The following LRRC9 variants were observed in gnomAD, a reference collection of about 807,000 sequenced individuals.
LRRC9 encodes leucine-rich repeat-containing protein 9.
In LRRC9, 122 loss-of-function variants were observed where a neutral mutation model predicts 63.2. That is an observed-to-expected ratio of 1.93 (90% CI 1.67 to 2.24). The LOEUF (loss-of-function observed/expected upper bound fraction) is 2.24. LRRC9 is among the 30% of genes most tolerant of loss of function. The pLI is 0.00. For missense variants in LRRC9, 1,071 were observed against 627.7 expected, an observed-to-expected ratio of 1.71 and a Z score of -7.55; for synonymous variants, 366 against 213.1, an observed-to-expected ratio of 1.72 and a Z score of -6.25.
At chr14:59,991,389 G>A (rs1255093017) in intron 17 of LRRC9, among the ~76,000 whole-genome samples, 1 of 152,190 alleles carries the variant, frequency 6.6e-6, no homozygotes, top group African/African-American at 2.4e-5. Context: ...CCCAGCATGA[G>A]CGATGCAGAA....
rs114339468 is a variant in LRRC9, at chr14:59,962,446, G to A, written c.1211+1401G>A. Among the ~76,000 whole-genome samples, 1,122 of 151,286 alleles carry A rather than the reference G, an allele frequency of 7.4e-3. 18 individuals carry two copies. The highest frequency in any genetic ancestry group is 0.027 in the African/African-American group (1,091 of 41,166). On this transcript the variant is annotated intron_variant, in intron 10 of 31. Coordinates refer to ENST00000445360, the Ensembl canonical transcript of LRRC9. The surrounding 1 kb of genome is among the most constrained non-coding windows in gnomAD (Gnocchi z 5.1). Reference sequence around the variant, plus strand: ...TGAGATAGAGTCTCGCTGTGTCCCCGAGACTGGAGTGCAGTGGCCCGATCT... The same window carrying A: ...TGAGATAGAGTCTCGCTGTGTCCCCAAGACTGGAGTGCAGTGGCCCGATCT...
In LRRC9 at chr14:59,961,044, T is replaced by C. The variant is rs750861245; in HGVS notation, c.1210T>C (p.Trp404Arg). 6.1e-6 allele frequency: 4 copies of C among 657,162 alleles called. No homozygotes were observed. The South Asian group carries it at 7.0e-5, about 11-fold the overall frequency. 40.7% of individuals were successfully genotyped at this position (657,162 alleles called of 1,614,324 possible). The change falls in exon 10 of 32, where the codon TGG (tryptophan) becomes CGG (arginine). Residue 404 changes from tryptophan to arginine, a missense_variant and splice_region_variant. Trp to Arg is a moderately radical substitution (Grantham distance 101). Transcript: ENST00000445360. ...TGAAGAAGGCACTCGATCTGATGACTGGTAAATCTGTTAGAAATTTAGTAT... is the reference window on the plus strand; with the variant it reads ...TGAAGAAGGCACTCGATCTGATGACCGGTAAATCTGTTAGAAATTTAGTAT...
In LRRC9 at chr14:59,930,983, C is replaced by T. The variant is rs1223424396; in HGVS notation, c.333C>T (p.Ser111=). 4 of 446,848 alleles carry T rather than the reference C, an allele frequency of 9.0e-6. No homozygotes were observed. Among genetic ancestry groups the T allele is most frequent in the South Asian group, 5.9e-5 (2 of 33,842 alleles). 27.7% of individuals were successfully genotyped at this position (446,848 alleles called of 1,614,324 possible). A position where few individuals can be genotyped will look rare whatever the true frequency, so the allele number is the denominator to read the frequency against. ...TATATTTATATTTTAATAAAATTTC[C>T]AAAATAGAAAATTTAGAGAAATTAA... Residue 111 remains serine (S), a synonymous_variant, in exon 4 of 32, where the codon TCC becomes TCT. Transcript: ENST00000445360. This position sits in a 1 kb window ranked among gnomAD's most constrained non-coding sequence, Gnocchi z 4.9.
chr14:60,015,027 A>C (rs1890565561), intron 23 of LRRC9, among the ~76,000 whole-genome samples: 2 of 152,010 alleles, frequency 1.3e-5, no homozygotes, highest in African/African-American at 4.8e-5. Context: ...TCTGTCTTCA[A>C]GTTCAGTTAT....
intron 12 of LRRC9, among the ~76,000 whole-genome samples, chr14:59,971,741 T>C (rs1885530139): frequency 6.6e-6 from 1 of 152,014 alleles, no homozygotes; most frequent in Non-Finnish European, 1.5e-5. Flanking sequence ...TTTTCCATTA[T>C]CCCCACATCT....
intron 28 of LRRC9, 57 bp downstream of exon 28, chr14:60,028,158 G>A (rs1891705906): frequency 2.6e-5 from 17 of 647,732 alleles, no homozygotes; most frequent in South Asian, 2.5e-4. Flanking sequence ...TCTGAGTTCT[G>A]AGCATAAAGC....
intron 17 of LRRC9, among the ~76,000 whole-genome samples, chr14:59,988,673 A>G (rs979540745): frequency 1.3e-5 from 2 of 152,132 alleles, no homozygotes; most frequent in African/African-American, 4.8e-5. Flanking sequence ...AATAATTAAA[A>G]TAATTATACT....
At chr14:59,996,413 C>A (rs1338585377) in intron 17 of LRRC9, among the ~76,000 whole-genome samples, 2 of 152,046 alleles carry the variant, frequency 1.3e-5, no homozygotes, top group Non-Finnish European at 2.9e-5. Context: ...TCTATCCCAA[C>A]AATAAGAATT....
chr14:59,994,838 A>G (rs1479289846), intron 17 of LRRC9, among the ~76,000 whole-genome samples: 1 of 151,416 alleles, frequency 6.6e-6, no homozygotes, highest in Non-Finnish European at 1.5e-5. Flanking sequence ...AGGAAGGGGA[A>G]CATCACACAC....
At chr14:59,946,389 C>A (rs1882397293) in intron 8 of LRRC9, among the ~76,000 whole-genome samples, 1 of 151,082 alleles carries the variant, frequency 6.6e-6, no homozygotes, top group Non-Finnish European at 1.5e-5. Context: ...CTGCTATTTT[C>A]ATGTGCAAAT....
chr14:59,922,292 T>G lies in LRRC9; in HGVS notation c.-34+2409T>G, dbSNP rs1888852844. ...CCGCTGTCTTTGGCCATTAGAAGGT[T>G]ATTTTTGACCTTGTAGTGGCTTGAG... On this transcript the variant is annotated intron_variant, in intron 1 of 31. Transcript: ENST00000445360. The surrounding 1 kb of genome is among the most constrained non-coding windows in gnomAD (Gnocchi z 5.3). 6.6e-6 allele frequency among the ~76,000 whole-genome samples: 1 copy of G among 152,192 alleles called. No homozygotes were observed. Among genetic ancestry groups the G allele is most frequent in the South Asian group, 2.1e-4 (1 of 4,826 alleles).
Position 60,034,015 on chromosome 14 carries a change from CTTT to C in LRRC9, c.3990+1973_3990+1975del, listed in dbSNP as rs1157239003. ...GGCCTTTTTATGTAATTTTTTCTTTCTTTTTTTTTTTTTTTTTTTTTTTGAGAC... is the reference window on the plus strand; with the variant it reads ...GGCCTTTTTATGTAATTTTTTCTTTCTTTTTTTTTTTTTTTTTTTTGAGAC... On this transcript the variant is annotated intron_variant, in intron 29 of 31. Transcript: ENST00000445360. 1.4e-3 allele frequency among the ~76,000 whole-genome samples: 160 copies of C among 115,946 alleles called. 1 individual carries two copies. The highest frequency in any genetic ancestry group is 4.2e-3 in the East Asian group (16 of 3,770). The allele number at this position is 115,946 out of a possible 152,430, so 76.1% of individuals were successfully genotyped here. A position where few individuals can be genotyped will look rare whatever the true frequency, so the allele number is the denominator to read the frequency against.
intron 7 of LRRC9, among the ~76,000 whole-genome samples, chr14:59,939,057 A>C (rs1268152042): frequency 1.4e-5 from 2 of 147,834 alleles, no homozygotes; most frequent in Non-Finnish European, 1.5e-5. Context: ...ATATACACAT[A>C]TATATACGTA....
In LRRC9 at chr14:60,053,833, A is replaced by G. The variant is rs1018986969; in HGVS notation, c.4131+628A>G. ...CCTAGTTTCTTCATGACCATCTTCT[A>G]AAGACTAAATTTAACACAGAAAATC... On this transcript the variant is annotated intron_variant, in intron 30 of 31. Coordinates refer to ENST00000445360, the Ensembl canonical transcript of LRRC9. This position sits in a 1 kb window ranked among gnomAD's most constrained non-coding sequence, Gnocchi z 4.8. 4.7e-6 allele frequency: 2 copies of G among 429,728 alleles called. No homozygotes were observed. The highest frequency in any genetic ancestry group is 9.1e-6 in the Non-Finnish European group (2 of 219,820). 26.6% of individuals were successfully genotyped at this position (429,728 alleles called of 1,614,324 possible). A position where few individuals can be genotyped will look rare whatever the true frequency, so the allele number is the denominator to read the frequency against.
intron 5 of LRRC9, 121 bp from the exon 6 acceptor site, chr14:59,931,848 T>C (rs1889728885): frequency 1.6e-6 from 1 of 614,342 alleles, no homozygotes. Context: ...GGTTACTAAT[T>C]ATACAATGGT....
At chr14:59,970,779 A>AT (rs987172781) in intron 12 of LRRC9, among the ~76,000 whole-genome samples, 164 of 150,406 alleles carry the variant, frequency 1.1e-3, no homozygotes, top group African/African-American at 3.5e-3. Flanking sequence ...TAATGGGGTG[A>AT]TTTTTTTTTG....
Position 60,027,771 on chromosome 14 carries a change from C to G in LRRC9, c.3704-113C>G. On this transcript the variant is annotated intron_variant, in intron 27 of 31. Coordinates refer to ENST00000445360, the Ensembl canonical transcript of LRRC9. This position sits in a 1 kb window ranked among gnomAD's most constrained non-coding sequence, Gnocchi z 4.0. Reference sequence around the variant, plus strand: ...CTCTTTGGAAATAAGTTTCTTGAATCCTTTACTTCTTTTGACAAATCATCT... The same window carrying G: ...CTCTTTGGAAATAAGTTTCTTGAATGCTTTACTTCTTTTGACAAATCATCT... 1 of 529,010 alleles carries G rather than the reference C, an allele frequency of 1.9e-6. No individual in the cohort carries two copies. The highest frequency in any genetic ancestry group is 3.0e-5 in the South Asian group (1 of 33,830). 32.8% of individuals were successfully genotyped at this position (529,010 alleles called of 1,614,324 possible). A position where few individuals can be genotyped will look rare whatever the true frequency, so the allele number is the denominator to read the frequency against.
At chr14:59,947,599 T>A (rs973115355) in intron 8 of LRRC9, among the ~76,000 whole-genome samples, 4 of 135,818 alleles carry the variant, frequency 2.9e-5, no homozygotes, top group African/African-American at 1.2e-4. Context: ...ATGTCCTGAA[T>A]GGTAATGCCT....
At position 59,958,703 on chromosome 14, in the gene LRRC9, C is replaced by A. The variant is rs755299077; in HGVS notation, c.883-1115C>A. ...AATACTCCTGCAGCTAGCTCAGTGT[C>A]TGCCCAAACAGCCACCCAGTTTTGT... On this transcript the variant is annotated intron_variant, in intron 8 of 31. Transcript: ENST00000445360. The surrounding 1 kb of genome is among the most constrained non-coding windows in gnomAD (Gnocchi z 4.0). Among the ~76,000 whole-genome samples the A allele has an allele frequency of 2.0e-5, 3 of 152,254 alleles. No homozygotes were observed. The highest frequency in any genetic ancestry group is 2.9e-5 in the Non-Finnish European group (2 of 68,048).
Sources: gnomAD v4.1 joint callset for allele counts (sites outside exome capture counted in the v4.1 genomes callset) on GRCh38, gnomAD v4.1.1 for gene constraint, Gnocchi (gnomAD v3.1) non-coding constraint, MANE v1.5 for transcripts, NCBI Gene and HGNC (gene_info 2026-07-23, HGNC 2026-07-21) for gene names.